Variants in DLGAP1 observed in about 807,000 individuals in gnomAD.
DLGAP1 encodes disks large-associated protein 1.
DLGAP1 carries 11 observed loss-of-function variants against 90.8 expected under a neutral mutation model. The observed-to-expected ratio is 0.12, with a 90% CI of 0.08 to 0.20. The LOEUF (loss-of-function observed/expected upper bound fraction) is 0.20. Among genes scored for constraint, DLGAP1 ranks in the 10% least tolerant of loss-of-function variants. The pLI is 1.00. For synonymous variants in DLGAP1, 558 were observed against 540.7 expected, an observed-to-expected ratio of 1.03 and a Z score of -0.44; for missense variants, 1,050 against 1,333.8, an observed-to-expected ratio of 0.79 and a Z score of 3.31.
At chr18:3,525,585 A>C (rs1488150250) in intron 10 of DLGAP1, among the ~76,000 whole-genome samples, 2 of 152,098 alleles carry the variant, frequency 1.3e-5, no homozygotes, top group Non-Finnish European at 2.9e-5. Flanking sequence ...TTTTTAGTAG[A>C]GACGGAGTTT....
At chr18:4,244,396 A>G (rs1285138575) in intron 1 of DLGAP1, among the ~76,000 whole-genome samples, 1 of 152,228 alleles carries the variant, frequency 6.6e-6, no homozygotes, top group Non-Finnish European at 1.5e-5. Flanking sequence ...GATTTCTGAT[A>G]GTACCATAAT....
rs2049792179 is a variant in DLGAP1, at chr18:3,499,082, G to A, written c.*103C>T. 5.5e-6 allele frequency: 6 copies of A among 1,098,632 alleles called. No individual in the cohort carries two copies. The highest frequency in any genetic ancestry group is 3.3e-5 in the African/African-American group (2 of 59,822). The allele number at this position is 1,098,632 out of a possible 1,614,324, so 68.1% of individuals were successfully genotyped here. A position where few individuals can be genotyped will look rare whatever the true frequency, so the allele number is the denominator to read the frequency against. On this transcript the variant is annotated 3_prime_UTR_variant, in exon 13 of 13. Transcript: ENST00000315677. The surrounding 1 kb of genome is among the most constrained non-coding windows in gnomAD (Gnocchi z 6.4). The stretch of plus-strand genomic sequence containing the variant: ...ACACCGCGACAGTGGAAGTCACCGA[G>A]CTCGGGAGCGGACGGGCTCGGAGGG...
chr18:3,748,774 CTGT>C (rs2063375685), intron 5 of DLGAP1, among the ~76,000 whole-genome samples: 1 of 152,178 alleles, frequency 6.6e-6, no homozygotes, highest in Admixed American at 6.5e-5. Flanking sequence ...TGACAGTTCT[CTGT>C]TGAACTAGTT....
intron 1 of DLGAP1, among the ~76,000 whole-genome samples, chr18:4,156,983 C>A (rs1220143806): frequency 1.3e-5 from 2 of 152,166 alleles, no homozygotes; most frequent in East Asian, 3.9e-4. Flanking sequence ...ACAGTTGTAT[C>A]TTTAAAATGA....
chr18:3,740,966 C>A (rs1160728589), intron 6 of DLGAP1, among the ~76,000 whole-genome samples: 1 of 144,044 alleles, frequency 6.9e-6, no homozygotes, highest in East Asian at 2.1e-4. Context: ...CCACCACCAC[C>A]ACCATCACAT....
At chr18:4,158,570 A>C (rs1227154850) in intron 1 of DLGAP1, among the ~76,000 whole-genome samples, 6 of 152,170 alleles carry the variant, frequency 3.9e-5, no homozygotes, top group Non-Finnish European at 8.8e-5. Context: ...TGAAAATCCT[A>C]GTACAACTGC....
rs190356412 is a variant in DLGAP1 at position 3,644,633 on chromosome 18, G to A, written c.1592-62385C>T. ...GCACCATGTCGGCCAGGCTGGTCTCGAACTCCTGACCTCAGATGATCCACC... is the reference window on the plus strand; with the variant it reads ...GCACCATGTCGGCCAGGCTGGTCTCAAACTCCTGACCTCAGATGATCCACC... On this transcript the variant is annotated intron_variant, in intron 7 of 12. Coordinates refer to ENST00000315677, the MANE Select transcript of DLGAP1 (RefSeq NM_004746.4). Among the ~76,000 whole-genome samples the A allele has an allele frequency of 2.1e-3, 314 of 152,150 alleles. 1 individual carries two copies. Among genetic ancestry groups the A allele is most frequent in the African/African-American group, 6.9e-3 (285 of 41,496 alleles).
At chr18:3,686,632 A>C (rs997245274) in intron 7 of DLGAP1, among the ~76,000 whole-genome samples, 6 of 117,316 alleles carry the variant, frequency 5.1e-5, no homozygotes, top group Admixed American at 7.5e-5. Flanking sequence ...CCAGGAAGTG[A>C]AGAGATCTAG....
intron 1 of DLGAP1, chr18:4,431,187 A>G (rs187001227): frequency 6.6e-6 from 1 of 152,628 alleles, no homozygotes; most frequent in African/African-American, 2.4e-5. Context: ...AACAAGAGAC[A>G]AACCATTTGG....
intron 5 of DLGAP1, among the ~76,000 whole-genome samples, chr18:3,783,737 T>A (rs1022797405): frequency 1.3e-5 from 2 of 152,184 alleles, no homozygotes; most frequent in Non-Finnish European, 2.9e-5. Context: ...CATTGCATCG[T>A]ACACTTAAAA....
chr18:3,688,916 GA>G (rs1356746030), intron 7 of DLGAP1, among the ~76,000 whole-genome samples: 1 of 152,162 alleles, frequency 6.6e-6, no homozygotes, highest in Non-Finnish European at 1.5e-5. Context: ...ATAAGAAACA[GA>G]TTTGATACTG....
chr18:4,086,677 T>G (rs2075685641), intron 2 of DLGAP1, among the ~76,000 whole-genome samples: 1 of 152,134 alleles, frequency 6.6e-6, no homozygotes, highest in African/African-American at 2.4e-5. Context: ...TGTTTCTAAT[T>G]CTTTTAAATT....
intron 3 of DLGAP1, among the ~76,000 whole-genome samples, chr18:3,936,335 T>A (rs2072638706): frequency 6.6e-6 from 1 of 152,184 alleles, no homozygotes; most frequent in South Asian, 2.1e-4. Flanking sequence ...GCTCTACAAT[T>A]TGCCCCCAAG....
intron 3 of DLGAP1, among the ~76,000 whole-genome samples, chr18:3,933,736 A>T (rs368957193): frequency 4.6e-5 from 7 of 152,086 alleles, no homozygotes; most frequent in Non-Finnish European, 1.0e-4. Flanking sequence ...CCTTTCTCAT[A>T]CTCCGTTAGA....
chr18:3,816,054 T>C (rs8092708), intron 4 of DLGAP1, among the ~76,000 whole-genome samples: 112,177 of 151,496 alleles, frequency 0.74, 41,865 homozygotes, highest in African/African-American at 0.83. Flanking sequence ...TCCATTAAAA[T>C]AACATGGTAC....
intron 2 of DLGAP1, among the ~76,000 whole-genome samples, chr18:4,118,163 T>G (rs1212749157): frequency 6.6e-6 from 1 of 152,198 alleles, no homozygotes. Flanking sequence ...TGCTCATTGC[T>G]TTTGACAATG....
intron 1 of DLGAP1, among the ~76,000 whole-genome samples, chr18:4,221,641 G>A (rs1180959177): frequency 2.6e-5 from 4 of 152,144 alleles, no homozygotes; most frequent in Non-Finnish European, 5.9e-5. Flanking sequence ...GAAGTTGACT[G>A]ACAGTACACG....
At chr18:3,602,593 C>CAAAAAAAAAAA (rs71159102) in intron 7 of DLGAP1, among the ~76,000 whole-genome samples, 2 of 66,692 alleles carry the variant, frequency 3.0e-5, no homozygotes, top group African/African-American at 1.2e-4. Context: ...AGACTCCGTC[C>CAAAAAAAAAAA]AAAAAAAAAA....
chr18:3,502,108 C>T (rs1434455790), intron 12 of DLGAP1: 1 of 1,016,084 alleles, frequency 9.8e-7, no homozygotes, highest in Admixed American at 5.7e-5. Flanking sequence ...TTCTTGAAAA[C>T]ACATCCTAGG....
Sources: gnomAD v4.1 joint callset for allele counts (sites outside exome capture counted in the v4.1 genomes callset) on GRCh38, gnomAD v4.1.1 for gene constraint, Gnocchi (gnomAD v3.1) non-coding constraint, MANE v1.5 for transcripts, NCBI Gene and HGNC (gene_info 2026-07-23, HGNC 2026-07-21) for gene names.